The following SNX29 variants were observed in gnomAD, a reference collection of about 807,000 sequenced individuals.
SNX29 encodes the protein sorting nexin 29.
Under a neutral mutation model 102.1 loss-of-function variants are expected in SNX29, and 78 were observed. The ratio of observed to expected loss-of-function variants is 0.76; its 90% CI spans 0.64 to 0.92. SNX29 has a LOEUF of 0.92. SNX29 is among the 40% of genes least tolerant of loss of function. SNX29 has a pLI of 0.00. For missense variants in SNX29, 1,280 were observed against 1,061.7 expected (o/e 1.21, Z -2.86); for synonymous variants, 580 against 414.5 (o/e 1.40, Z -4.85).
chr16:12,520,488 C>T (rs911506739), intron 19 of SNX29, among the ~76,000 whole-genome samples: 1 of 152,182 alleles, frequency 6.6e-6, no homozygotes, highest in African/African-American at 2.4e-5. Context: ...AATTCAGTGA[C>T]CAGCCTTGGC....
intron 13 of SNX29, among the ~76,000 whole-genome samples, chr16:12,159,137 C>A (rs568790855): frequency 6.6e-6 from 1 of 152,150 alleles, no homozygotes; most frequent in Non-Finnish European, 1.5e-5. Flanking sequence ...TGAGGACACC[C>A]GTCTAACAAA....
At position 12,571,432 on chromosome 16, in the gene SNX29, C is replaced by CG. The variant is rs2079185259; in HGVS notation, c.*2805dup. 4.3e-6 allele frequency: 1 copy of CG among 235,030 alleles called. No individual in the cohort carries two copies. The highest frequency in any genetic ancestry group is 2.2e-5 in the African/African-American group (1 of 45,370). The allele number at this position is 235,030 out of a possible 1,614,324, so 14.6% of individuals were successfully genotyped here. ...ACATCTGTCTTCTTCTAAGATTACT[C>CG]GGAGATTTTCAAACAACATCTGAGA... On this transcript the variant is annotated 3_prime_UTR_variant, in exon 21 of 21. Coordinates refer to ENST00000566228, the MANE Select transcript of SNX29 (RefSeq NM_032167.5).
chr16:12,129,840 C>T lies in SNX29; in HGVS notation c.1595+82C>T. The T allele has an allele frequency of 1.4e-6, 2 of 1,458,426 alleles. 1 individual carries two copies. The highest frequency in any genetic ancestry group is 2.8e-5 in the South Asian group (2 of 70,342). 90.3% of individuals were successfully genotyped at this position (1,458,426 alleles called of 1,614,324 possible). On this transcript the variant is annotated intron_variant, in intron 13 of 20. Coordinates refer to ENST00000566228, the MANE Select transcript of SNX29 (RefSeq NM_032167.5). ...GCATACTGGGCCGGGCACGGTGGCT[C>T]ATGCCTGTAATCCCAGCACTTTGGG...
At chr16:12,567,690 A>C (rs1164737614) in intron 20 of SNX29, among the ~76,000 whole-genome samples, 1 of 152,298 alleles carries the variant, frequency 6.6e-6, no homozygotes, top group East Asian at 1.9e-4. Context: ...TGAGCCCAGG[A>C]GATCGAGGCT....
chr16:12,129,548 T>A (rs2054362455), intron 12 of SNX29, 82 bp from the exon 13 acceptor site: 1 of 1,491,992 alleles, frequency 6.7e-7, no homozygotes, highest in African/African-American at 1.4e-5. Context: ...GCTTAGGACT[T>A]GACTTATGTT....
At chr16:12,070,889 A>C (rs2051263656) in intron 10 of SNX29, among the ~76,000 whole-genome samples, 1 of 152,088 alleles carries the variant, frequency 6.6e-6, no homozygotes, top group Non-Finnish European at 1.5e-5. Flanking sequence ...ATGGTATCTC[A>C]TTGTGGTTTT....
chr16:12,044,138 C>T (rs2049995671), intron 5 of SNX29, among the ~76,000 whole-genome samples: 1 of 152,196 alleles, frequency 6.6e-6, no homozygotes, highest in South Asian at 2.1e-4. Context: ...CTGACGAATC[C>T]TGTTCTGGTT....
intron 15 of SNX29, among the ~76,000 whole-genome samples, chr16:12,354,127 A>G (rs1444365565): frequency 6.6e-6 from 1 of 152,168 alleles, no homozygotes; most frequent in Non-Finnish European, 1.5e-5. Context: ...TTCTAGTTAT[A>G]CTGGAGTTTG....
intron 19 of SNX29, among the ~76,000 whole-genome samples, chr16:12,501,049 C>A (rs529218302): frequency 9.9e-5 from 15 of 152,262 alleles, no homozygotes; most frequent in African/African-American, 3.1e-4. Context: ...CAGGAAGCTC[C>A]CAGCTGCAGG....
chr16:12,183,112 G>A (rs2076428942), intron 13 of SNX29, among the ~76,000 whole-genome samples: 2 of 152,066 alleles, frequency 1.3e-5, no homozygotes, highest in South Asian at 4.2e-4. Context: ...CAATCCTCCT[G>A]CCTCAGACTC....
intron 19 of SNX29, among the ~76,000 whole-genome samples, chr16:12,486,754 G>C (rs1038487364): frequency 6.6e-6 from 1 of 152,168 alleles, no homozygotes; most frequent in African/African-American, 2.4e-5. Flanking sequence ...CGGGTGAGGA[G>C]GGGCTCTGAT....
intron 20 of SNX29, among the ~76,000 whole-genome samples, chr16:12,551,332 T>C (rs921762109): frequency 6.6e-5 from 10 of 152,192 alleles, no homozygotes; most frequent in African/African-American, 2.4e-4. Flanking sequence ...CTCAGAGATA[T>C]GTGGAATCAT....
At chr16:12,223,337 C>A (rs772058777) in intron 14 of SNX29, among the ~76,000 whole-genome samples, 1 of 152,132 alleles carries the variant, frequency 6.6e-6, no homozygotes, top group Non-Finnish European at 1.5e-5. Context: ...ACCATCGTGG[C>A]CAACATGGCA....
At chr16:12,549,808 C>CT (rs2141334134) in intron 20 of SNX29, among the ~76,000 whole-genome samples, 1 of 152,380 alleles carries the variant, frequency 6.6e-6, no homozygotes, top group East Asian at 1.9e-4. Flanking sequence ...ATCATGGCTT[C>CT]TGTGCCCTGT....
At chr16:12,515,693 T>G (rs2151934246) in intron 19 of SNX29, 1 of 461,890 alleles carries the variant, frequency 2.2e-6, no homozygotes, top group East Asian at 5.3e-5. Flanking sequence ...TTCACGTATC[T>G]GCTTGTTGGC....
At chr16:12,233,311 G>C (rs1287063413) in intron 14 of SNX29, among the ~76,000 whole-genome samples, 1 of 152,180 alleles carries the variant, frequency 6.6e-6, no homozygotes, top group African/African-American at 2.4e-5. Flanking sequence ...GCTGGAGGCT[G>C]TTATCCTAAG....
intron 16 of SNX29, chr16:12,375,424 C>G (rs1470089081): frequency 1.3e-5 from 2 of 152,196 alleles, no homozygotes; most frequent in Non-Finnish European, 2.9e-5. Flanking sequence ...TTCTGTGGGC[C>G]TGGAGTCCTC....
chr16:12,181,883 C>CTTTT (rs397854786), intron 13 of SNX29, among the ~76,000 whole-genome samples: 1 of 141,294 alleles, frequency 7.1e-6, no homozygotes, highest in Non-Finnish European at 1.5e-5. Flanking sequence ...GGGCTTCTGC[C>CTTTT]TTTTTTTTTT....
At chr16:12,056,293 G>T (rs1208726195) in intron 8 of SNX29, among the ~76,000 whole-genome samples, 1 of 152,178 alleles carries the variant, frequency 6.6e-6, no homozygotes, top group Non-Finnish European at 1.5e-5. Flanking sequence ...CCCCAGCATT[G>T]TGTGTAAATG....
Sources: gnomAD v4.1 joint callset for allele counts (sites outside exome capture counted in the v4.1 genomes callset) on GRCh38, gnomAD v4.1.1 for gene constraint, MANE v1.5 for transcripts, NCBI Gene and HGNC (gene_info 2026-07-23, HGNC 2026-07-21) for gene names.